The following GLIS3 variants were observed in gnomAD, a reference collection of about 807,000 sequenced individuals.
The protein encoded by GLIS3 is zinc finger protein GLIS3.
Under a neutral mutation model 78.6 loss-of-function variants are expected in GLIS3, and 53 were observed. The ratio of observed to expected loss-of-function variants is 0.67; its 90% CI spans 0.54 to 0.85. GLIS3 has a LOEUF of 0.85. Among genes scored for constraint, GLIS3 ranks in the 40% least tolerant of loss-of-function variants. The probability of loss-of-function intolerance (pLI) is 0.00; values close to 1 mark genes in which losing one functional copy is unlikely to be tolerated. For missense variants in GLIS3, 1,703 were observed against 1,231.1 expected, an observed-to-expected ratio of 1.38 and a Z score of -5.74; for synonymous variants, 684 against 509.9, an observed-to-expected ratio of 1.34 and a Z score of -4.60.
At chr9:4,240,984 T>C (rs969710862) in intron 2 of GLIS3, among the ~76,000 whole-genome samples, 1 of 152,214 alleles carries the variant, frequency 6.6e-6, no homozygotes, top group Non-Finnish European at 1.5e-5. Context: ...CGTGTGTACA[T>C]ATTTTAAACT....
chr9:3,945,818 A>G (rs1480876204), intron 4 of GLIS3, among the ~76,000 whole-genome samples: 1 of 152,206 alleles, frequency 6.6e-6, no homozygotes, highest in Non-Finnish European at 1.5e-5. Context: ...CAAAATAAAA[A>G]GTAGAAAAAC....
At chr9:4,438,013 G>C in the GLIS3 span, among the ~76,000 whole-genome samples, 10 of 152,184 alleles carry the variant, frequency 6.6e-5, no homozygotes, top group Non-Finnish European at 8.8e-5. Flanking sequence ...AAAGTTATAT[G>C]TGGATTTTTG....
At chr9:4,158,654 GTCCA>G (rs1340522682) in intron 2 of GLIS3, among the ~76,000 whole-genome samples, 1 of 152,122 alleles carries the variant, frequency 6.6e-6, no homozygotes, top group African/African-American at 2.4e-5. Context: ...TCATTCATTT[GTCCA>G]TCCATTAATT....
intron 8 of GLIS3, among the ~76,000 whole-genome samples, chr9:3,856,420 A>G (rs1484009635): frequency 1.3e-5 from 2 of 152,160 alleles, no homozygotes; most frequent in East Asian, 1.9e-4. Flanking sequence ...TAAAGGGAAA[A>G]CCTACTCACA....
chr9:4,333,609 ATT>A (rs1817714791), intron 2 of GLIS3, among the ~76,000 whole-genome samples: 1 of 152,020 alleles, frequency 6.6e-6, no homozygotes, highest in African/African-American at 2.4e-5. Flanking sequence ...GACCTATTCA[ATT>A]TGTTTTAACC....
chr9:3,950,069 C>T (rs1018099926), intron 4 of GLIS3, among the ~76,000 whole-genome samples: 11 of 152,340 alleles, frequency 7.2e-5, no homozygotes, highest in African/African-American at 1.2e-4. Context: ...CACCCAGCAG[C>T]GCAGCCCCAA....
intron 2 of GLIS3, among the ~76,000 whole-genome samples, chr9:4,272,076 G>C (rs777863409): frequency 3.5e-4 from 54 of 152,162 alleles, no homozygotes; most frequent in Admixed American, 1.3e-4. Context: ...ACTGAGCTCA[G>C]TGCAATGGCC....
At chr9:4,117,639 G>A (rs1831764877) in intron 4 of GLIS3, 129 bp downstream of exon 4, 1 of 1,002,666 alleles carries the variant, frequency 1.0e-6, no homozygotes, top group Non-Finnish European at 1.6e-6. Flanking sequence ...AGCTGAAGGG[G>A]AACCCCATCT....
At chr9:4,483,223 TG>T in the GLIS3 span, among the ~76,000 whole-genome samples, 2 of 152,162 alleles carry the variant, frequency 1.3e-5, no homozygotes, top group Non-Finnish European at 2.9e-5. Context: ...TGCCGTAAAT[TG>T]GTTGCAAGCA....
the GLIS3 span, among the ~76,000 whole-genome samples, chr9:4,472,116 G>A: frequency 6.6e-6 from 1 of 152,208 alleles, no homozygotes; most frequent in Non-Finnish European, 1.5e-5. Context: ...AACAGGTACT[G>A]GAGAGGATGT....
chr9:4,169,161 T>C (rs1816148492), intron 2 of GLIS3, among the ~76,000 whole-genome samples: 1 of 152,188 alleles, frequency 6.6e-6, no homozygotes, highest in Non-Finnish European at 1.5e-5. Flanking sequence ...TATCAACTGG[T>C]ACTCCTCTGA....
chr9:4,138,395 C>G (rs498571), intron 2 of GLIS3, among the ~76,000 whole-genome samples: 115,231 of 152,100 alleles, frequency 0.76, 43,996 homozygotes, highest in African/African-American at 0.85. Context: ...AAACAATTGG[C>G]AAACACCTAA....
At chr9:4,077,099 T>C (rs758600076) in intron 4 of GLIS3, among the ~76,000 whole-genome samples, 1 of 109,878 alleles carries the variant, frequency 9.1e-6, no homozygotes, top group Non-Finnish European at 1.6e-5. Flanking sequence ...TTCTTCTTAT[T>C]TGTCATTGAT....
At chr9:4,012,599 T>G (rs1432819579) in intron 4 of GLIS3, among the ~76,000 whole-genome samples, 1 of 152,116 alleles carries the variant, frequency 6.6e-6, no homozygotes, top group Non-Finnish European at 1.5e-5. Flanking sequence ...GACTAGTGTG[T>G]AAAAACATTC....
the GLIS3 span, among the ~76,000 whole-genome samples, chr9:4,472,491 G>A: frequency 6.6e-6 from 1 of 151,986 alleles, no homozygotes; most frequent in South Asian, 2.1e-4. Context: ...ATCATTCTGA[G>A]CAAACTATCA....
At chr9:4,042,502 A>T (rs1201213837) in intron 4 of GLIS3, among the ~76,000 whole-genome samples, 1 of 152,190 alleles carries the variant, frequency 6.6e-6, no homozygotes, top group Non-Finnish European at 1.5e-5. Flanking sequence ...ATTTTGCGTA[A>T]AGAATGAGTA....
intron 2 of GLIS3, among the ~76,000 whole-genome samples, chr9:4,270,368 C>T (rs987451693): frequency 1.3e-5 from 2 of 152,184 alleles, no homozygotes; most frequent in African/African-American, 4.8e-5. Context: ...AAACAATACA[C>T]ATTTATCACC....
upstream of GLIS3, among the ~76,000 whole-genome samples, chr9:4,350,440 CAAGT>C (rs1434418475): frequency 1.3e-5 from 2 of 152,162 alleles, no homozygotes; most frequent in African/African-American, 2.4e-5. Flanking sequence ...CAAATGGAAT[CAAGT>C]AATAGAAAAT....
chr9:3,946,746 C>T (rs923039883), intron 4 of GLIS3, among the ~76,000 whole-genome samples: 6 of 152,142 alleles, frequency 3.9e-5, no homozygotes, highest in African/African-American at 1.2e-4. Flanking sequence ...CTATTGGGAA[C>T]GTGTTAGTAG....
Sources: gnomAD v4.1 joint callset for allele counts (sites outside exome capture counted in the v4.1 genomes callset) on GRCh38, gnomAD v4.1.1 for gene constraint, MANE v1.5 for transcripts, NCBI Gene and HGNC (gene_info 2026-07-23, HGNC 2026-07-21) for gene names.